The following DGKB variants were observed in gnomAD, a reference collection of about 807,000 sequenced individuals.
DGKB encodes diacylglycerol kinase beta, also known as 90 kDa diacylglycerol kinase.
A neutral mutation model predicts 114.3 loss-of-function variants in DGKB; 67 were observed. The ratio of observed to expected loss-of-function variants is 0.59; its 90% CI spans 0.48 to 0.72. The LOEUF (loss-of-function observed/expected upper bound fraction) is 0.72. Ranked by LOEUF, DGKB falls within the 30% of genes least tolerant of loss-of-function variation. The pLI is 0.00. For synonymous variants in DGKB, 398 were observed against 323.1 expected, an observed-to-expected ratio of 1.23 and a Z score of -2.49; for missense variants, 907 against 975.2, an observed-to-expected ratio of 0.93 and a Z score of 0.93.
intron 23 of DGKB, among the ~76,000 whole-genome samples, chr7:14,314,341 G>A (rs1046855672): frequency 5.9e-5 from 9 of 151,746 alleles, no homozygotes; most frequent in Non-Finnish European, 8.8e-5. Context: ...TCTGAGCTAC[G>A]GGAGGACATT....
chr7:14,344,238 A>AG (rs987639706), intron 22 of DGKB, among the ~76,000 whole-genome samples: 14 of 151,430 alleles, frequency 9.2e-5, no homozygotes, highest in African/African-American at 3.4e-4. Context: ...CCTGTTATGA[A>AG]GGGTTTTTTC....
intron 21 of DGKB, among the ~76,000 whole-genome samples, chr7:14,416,689 G>A (rs574523447): frequency 2.6e-5 from 4 of 152,196 alleles, no homozygotes; most frequent in South Asian, 2.1e-4. Flanking sequence ...GTGCTGCCAC[G>A]TAAGGCCTTC....
At chr7:14,214,971 C>T (rs1296870753) in intron 23 of DGKB, among the ~76,000 whole-genome samples, 3 of 152,154 alleles carry the variant, frequency 2.0e-5, no homozygotes, top group Non-Finnish European at 4.4e-5. Context: ...TCCCACTCAA[C>T]ATTTAGTAAG....
chr7:14,640,420 T>C (rs554132649), intron 13 of DGKB, among the ~76,000 whole-genome samples: 1 of 152,196 alleles, frequency 6.6e-6, no homozygotes. Context: ...GAGAGTAATG[T>C]AATGAAGAAT....
At chr7:14,227,515 G>T (rs973565282) in intron 23 of DGKB, among the ~76,000 whole-genome samples, 6 of 152,012 alleles carry the variant, frequency 3.9e-5, no homozygotes, top group Non-Finnish European at 7.4e-5. Context: ...AGGCATACAA[G>T]TGATCTAAAT....
At chr7:14,279,052 G>T (rs1290118637) in intron 23 of DGKB, among the ~76,000 whole-genome samples, 1 of 152,176 alleles carries the variant, frequency 6.6e-6, no homozygotes, top group Non-Finnish European at 1.5e-5. Flanking sequence ...AGCAGGGCGA[G>T]GCATTGCCTC....
chr7:14,189,477 T>C (rs1053933236), intron 23 of DGKB, among the ~76,000 whole-genome samples: 2 of 151,620 alleles, frequency 1.3e-5, no homozygotes, highest in Admixed American at 6.6e-5. Context: ...CAGAGGTAAA[T>C]AGCAAGAGAA....
In DGKB at chr7:14,705,082, A is replaced by C. The variant is rs569154872; in HGVS notation, c.467-3352T>G. On this transcript the variant is annotated intron_variant, in intron 6 of 25. Coordinates refer to ENST00000402815, the MANE Select transcript of DGKB (RefSeq NM_001350709.2). ...GTTGAAAACTTTGAAAAAAATTTAG[A>C]AGAATGTATAACTAGAATAACCAAT... 4.8e-3 allele frequency among the ~76,000 whole-genome samples: 719 copies of C among 149,308 alleles called. 4 individuals are homozygous for C. Among genetic ancestry groups the C allele is most frequent in the African/African-American group, 0.016 (671 of 40,982 alleles).
chr7:14,351,277 A>C lies in DGKB; in HGVS notation c.1836-5886T>G, dbSNP rs907683945. Among the ~76,000 whole-genome samples, 3 of 152,238 alleles carry C rather than the reference A, an allele frequency of 2.0e-5. No individual in the cohort carries two copies. In the East Asian group the frequency reaches 5.8e-4, roughly 29 times the overall value. On this transcript the variant is annotated intron_variant, in intron 21 of 25. Transcript: ENST00000402815. ...ACGTAGTGAGGTATTACTTTAAAAA[A>C]TACACCACAAGTCAAATGGAAGGGC...
chr7:14,452,109 C>T (rs12699617), intron 21 of DGKB, among the ~76,000 whole-genome samples: 53,209 of 151,890 alleles, frequency 0.35, 9,629 homozygotes, highest in South Asian at 0.41. Context: ...TAATTATCAC[C>T]ATCGATATGC....
chr7:14,700,059 G>T (rs934499677), intron 7 of DGKB, among the ~76,000 whole-genome samples: 4 of 152,008 alleles, frequency 2.6e-5, no homozygotes, highest in African/African-American at 7.2e-5. Flanking sequence ...AGTCACAAGT[G>T]CTATACTAAG....
At chr7:14,558,578 A>C (rs1796203547) in intron 20 of DGKB, among the ~76,000 whole-genome samples, 1 of 152,152 alleles carries the variant, frequency 6.6e-6, no homozygotes, top group Non-Finnish European at 1.5e-5. Context: ...CCACATGTGT[A>C]ATTGATTTTA....
chr7:14,648,356 A>T (rs975721899), intron 13 of DGKB, among the ~76,000 whole-genome samples: 3 of 152,156 alleles, frequency 2.0e-5, no homozygotes, highest in Non-Finnish European at 2.9e-5. Flanking sequence ...CGAGCAGCCT[A>T]ACTGGGAGGC....
chr7:14,452,096 T>C (rs1275726028), intron 21 of DGKB, among the ~76,000 whole-genome samples: 5 of 152,108 alleles, frequency 3.3e-5, no homozygotes, highest in Non-Finnish European at 5.9e-5. Context: ...GTTTAGAAAA[T>C]ATTAATTATC....
chr7:14,752,908 A>G (rs1834323349), intron 4 of DGKB, among the ~76,000 whole-genome samples: 1 of 152,182 alleles, frequency 6.6e-6, no homozygotes, highest in Non-Finnish European at 1.5e-5. Flanking sequence ...AAGTGTCATA[A>G]AGCCTATTTA....
intron 23 of DGKB, among the ~76,000 whole-genome samples, chr7:14,221,163 T>G (rs934439850): frequency 6.6e-6 from 1 of 151,360 alleles, no homozygotes; most frequent in Non-Finnish European, 1.5e-5. Context: ...TTATTTATTT[T>G]TTTGCCTTTT....
At chr7:14,212,068 ATTT>A in intron 23 of DGKB, among the ~76,000 whole-genome samples, 2 of 10,954 alleles carry the variant, frequency 1.8e-4, no homozygotes, top group Non-Finnish European at 4.1e-4. Flanking sequence ...ATGTTTTGTG[ATTT>A]TACTCTCATG....
chr7:14,899,636 G>A (rs2128235955), intron 1 of DGKB, among the ~76,000 whole-genome samples: 1 of 152,062 alleles, frequency 6.6e-6, no homozygotes, highest in East Asian at 1.9e-4. Flanking sequence ...TCCTGGAAAT[G>A]TCCCCATGTT....
chr7:14,446,213 G>T (rs185716477), intron 21 of DGKB, among the ~76,000 whole-genome samples: 13 of 152,214 alleles, frequency 8.5e-5, no homozygotes, highest in African/African-American at 3.1e-4. Flanking sequence ...AGACCCAAGA[G>T]CCAGACAAAC....
Sources: gnomAD v4.1 joint callset for allele counts (sites outside exome capture counted in the v4.1 genomes callset) on GRCh38, gnomAD v4.1.1 for gene constraint, MANE v1.5 for transcripts, NCBI Gene and HGNC (gene_info 2026-07-23, HGNC 2026-07-21) for gene names.